Variants in GPHN observed in about 807,000 individuals in gnomAD.
The protein encoded by GPHN is gephyrin.
GPHN carries 17 observed loss-of-function variants against 95.5 expected under a neutral mutation model. The ratio of observed to expected loss-of-function variants is 0.18; its 90% CI spans 0.12 to 0.27. The LOEUF is 0.27. GPHN is among the 10% of genes least tolerant of loss of function. The probability of loss-of-function intolerance (pLI) is 1.00; values close to 1 mark genes in which losing one functional copy is unlikely to be tolerated. For synonymous variants in GPHN, 320 were observed against 322.5 expected, an observed-to-expected ratio of 0.99 and a Z score of 0.08; for missense variants, 660 against 978.1, an observed-to-expected ratio of 0.67 and a Z score of 4.34.
chr14:67,365,445 T>C, the GPHN span, among the ~76,000 whole-genome samples: 7 of 152,360 alleles, frequency 4.6e-5, no homozygotes, highest in South Asian at 1.4e-3. Flanking sequence ...TTATATAAGC[T>C]TTGAAAAAGC....
chr14:66,961,517 G>A (rs565157779), intron 8 of GPHN, among the ~76,000 whole-genome samples: 1 of 151,656 alleles, frequency 6.6e-6, no homozygotes, highest in South Asian at 2.1e-4. Context: ...AGATACAACT[G>A]CTAAAAGACT....
intron 4 of GPHN, among the ~76,000 whole-genome samples, chr14:66,860,131 A>G (rs1265752233): frequency 6.6e-6 from 1 of 152,176 alleles, no homozygotes; most frequent in Admixed American, 6.5e-5. Flanking sequence ...GTTATAGATA[A>G]CACTAAGCAG....
chr14:66,975,036 T>G (rs570078013), intron 9 of GPHN, among the ~76,000 whole-genome samples: 10 of 152,322 alleles, frequency 6.6e-5, no homozygotes, highest in African/African-American at 2.4e-4. Context: ...GCCATTATTA[T>G]TAAATTGTCT....
At chr14:67,695,735 T>C in the GPHN span, 1 of 1,605,600 alleles carries the variant, frequency 6.2e-7, no homozygotes, top group South Asian at 1.1e-5. Flanking sequence ...CAGAGCGGGA[T>C]GCTCCAGCGT....
chr14:67,665,267 T>TC, the GPHN span, among the ~76,000 whole-genome samples: 1 of 150,460 alleles, frequency 6.6e-6, no homozygotes, highest in African/African-American at 2.4e-5. Flanking sequence ...ATCTTTTTTT[T>TC]TTTTTTTTTT....
the GPHN span, chr14:67,580,069 C>A: frequency 1.7e-6 from 1 of 575,248 alleles, no homozygotes. Context: ...GTTGTGTGCC[C>A]TTGTCTCTGG....
the GPHN span, among the ~76,000 whole-genome samples, chr14:67,331,440 T>C: frequency 6.6e-6 from 1 of 152,052 alleles, no homozygotes; most frequent in African/African-American, 2.4e-5. Flanking sequence ...GCTAAGAAAA[T>C]GATGGCGTTA....
In GPHN at chr14:67,144,280, T is replaced by TAC. The variant is rs1567401113; in HGVS notation, c.1836+832_1836+833insCA. Among the ~76,000 whole-genome samples, 50 of 112,776 alleles carry TAC rather than the reference T, an allele frequency of 4.4e-4. 3 individuals are homozygous for TAC. Among genetic ancestry groups the TAC allele is most frequent in the East Asian group, 4.3e-3 (17 of 3,952 alleles). The allele number at this position is 112,776 out of a possible 152,430, so 74.0% of individuals were successfully genotyped here. ...ATATATATATATATATATATATATA[T>TAC]ATATATACACACACACATACACAAA... On this transcript the variant is annotated intron_variant, in intron 18 of 22. Transcript: ENST00000478722.
At chr14:66,588,951 A>G (rs150998680) in intron 1 of GPHN, among the ~76,000 whole-genome samples, 2,019 of 152,266 alleles carry the variant, frequency 0.013, 24 homozygotes, top group Non-Finnish European at 0.018. Flanking sequence ...CAAGGTTGAA[A>G]TGAAGGAGAA....
intron 1 of GPHN, among the ~76,000 whole-genome samples, chr14:66,523,739 T>C (rs2058569977): frequency 2.6e-5 from 4 of 152,140 alleles, no homozygotes. Context: ...ACATACTAAA[T>C]ATTCATGAAA....
At chr14:67,389,991 C>T in the GPHN span, among the ~76,000 whole-genome samples, 1 of 152,018 alleles carries the variant, frequency 6.6e-6, no homozygotes, top group Non-Finnish European at 1.5e-5. Context: ...CTGACTGAAG[C>T]TCAGTGAGGA....
chr14:67,567,131 T>A, the GPHN span, among the ~76,000 whole-genome samples: 56 of 148,550 alleles, frequency 3.8e-4, no homozygotes, highest in African/African-American at 1.3e-3. Flanking sequence ...CCCTGAGGCA[T>A]GATCACTCGT....
the GPHN span, among the ~76,000 whole-genome samples, chr14:67,494,100 C>G: frequency 6.6e-6 from 1 of 152,096 alleles, no homozygotes; most frequent in Non-Finnish European, 1.5e-5. Flanking sequence ...AACCCCTGCC[C>G]TTCACTCAGC....
chr14:67,635,571 CG>C, the GPHN span, among the ~76,000 whole-genome samples: 3 of 152,108 alleles, frequency 2.0e-5, no homozygotes, highest in Non-Finnish European at 2.9e-5. Context: ...TCCAGGAATT[CG>C]GCCGGGCACG....
chr14:67,579,840 C>T, the GPHN span: 30 of 1,606,540 alleles, frequency 1.9e-5, no homozygotes, highest in East Asian at 5.8e-4. Context: ...ATCCCTCGGG[C>T]AGGGACCTGG....
At chr14:66,558,300 A>C (rs189186995) in intron 1 of GPHN, among the ~76,000 whole-genome samples, 2 of 152,270 alleles carry the variant, frequency 1.3e-5, no homozygotes, top group East Asian at 3.9e-4. Flanking sequence ...GGAATGACAT[A>C]AATACCTTGT....
At chr14:67,014,879 C>T (rs2073214053) in intron 9 of GPHN, among the ~76,000 whole-genome samples, 1 of 152,210 alleles carries the variant, frequency 6.6e-6, no homozygotes, top group Middle Eastern at 3.4e-3. Flanking sequence ...CAAACCAAAA[C>T]GATTGTTGGT....
At chr14:67,709,470 A>G in the GPHN span, among the ~76,000 whole-genome samples, 10 of 152,260 alleles carry the variant, frequency 6.6e-5, no homozygotes, top group Non-Finnish European at 1.3e-4. Flanking sequence ...ATGCTTCAAG[A>G]AAACCTTGTT....
the GPHN span, chr14:67,645,664 T>G: frequency 6.2e-7 from 1 of 1,613,864 alleles, no homozygotes; most frequent in Non-Finnish European, 8.5e-7. Context: ...GTACCATTAG[T>G]GGCCATGCCC....
Sources: gnomAD v4.1 joint callset for allele counts (sites outside exome capture counted in the v4.1 genomes callset) on GRCh38, gnomAD v4.1.1 for gene constraint, MANE v1.5 for transcripts, NCBI Gene and HGNC (gene_info 2026-07-23, HGNC 2026-07-21) for gene names.